DOCK4: variants seen among roughly 807,000 people sequenced by gnomAD.
DOCK4 encodes the protein dedicator of cytokinesis 4, also known as dedicator of cytokinesis protein 4.
DOCK4 carries 97 observed loss-of-function variants against 268.1 expected under a neutral mutation model. That is an observed-to-expected ratio of 0.36 (90% CI 0.31 to 0.43). The LOEUF (loss-of-function observed/expected upper bound fraction) is 0.43. Among genes scored for constraint, DOCK4 ranks in the 20% least tolerant of loss-of-function variants. DOCK4 has a pLI of 1.00. For synonymous variants in DOCK4, 954 were observed against 887.2 expected, an observed-to-expected ratio of 1.08 and a Z score of -1.34; for missense variants, 2,145 against 2,455.7, an observed-to-expected ratio of 0.87 and a Z score of 2.67.
intron 10 of DOCK4, among the ~76,000 whole-genome samples, chr7:111,942,868 C>A (rs757835492): frequency 1.3e-5 from 2 of 152,168 alleles, no homozygotes; most frequent in Admixed American, 6.5e-5. Context: ...GTGCTCTTAC[C>A]ATTGTTCCAC....
intron 1 of DOCK4, among the ~76,000 whole-genome samples, chr7:112,141,963 C>A (rs1291282352): frequency 1.3e-5 from 2 of 152,178 alleles, no homozygotes; most frequent in South Asian, 2.1e-4. Flanking sequence ...AACATCCCCC[C>A]ACTCATTGCA....
intron 30 of DOCK4, among the ~76,000 whole-genome samples, chr7:111,794,765 T>C (rs1799775813): frequency 1.3e-5 from 2 of 152,172 alleles, no homozygotes; most frequent in South Asian, 4.1e-4. Flanking sequence ...CCTGGGAAGT[T>C]AGGCAACTTG....
chr7:112,203,453 AC>A (rs1293075387), intron 1 of DOCK4, among the ~76,000 whole-genome samples: 1 of 152,232 alleles, frequency 6.6e-6, no homozygotes, highest in Non-Finnish European at 1.5e-5. Flanking sequence ...AACTAATTTT[AC>A]CCATGTTTAC....
At chr7:112,136,984 C>T (rs1814414741) in intron 1 of DOCK4, among the ~76,000 whole-genome samples, 1 of 151,972 alleles carries the variant, frequency 6.6e-6, no homozygotes. Context: ...AGGCAGAGTG[C>T]CTCCAATACT....
chr7:112,072,884 G>A (rs1021577112), intron 1 of DOCK4, among the ~76,000 whole-genome samples: 8 of 152,178 alleles, frequency 5.3e-5, no homozygotes, highest in Admixed American at 2.6e-4. Context: ...AGGGAAGAAT[G>A]CCTCAAGTGA....
intron 4 of DOCK4, among the ~76,000 whole-genome samples, chr7:111,994,847 C>T (rs947045430): frequency 1.4e-4 from 21 of 151,988 alleles, no homozygotes; most frequent in African/African-American, 4.1e-4. Context: ...ATGACATCAC[C>T]GATATTTGAA....
intron 1 of DOCK4, among the ~76,000 whole-genome samples, chr7:112,063,839 G>C (rs1360638831): frequency 1.3e-5 from 2 of 152,144 alleles, no homozygotes; most frequent in Non-Finnish European, 2.9e-5. Context: ...TGTAAAATGT[G>C]AGCACATCTT....
intron 1 of DOCK4, among the ~76,000 whole-genome samples, chr7:112,167,354 T>A (rs1454087823): frequency 1.3e-5 from 2 of 152,154 alleles, no homozygotes; most frequent in Non-Finnish European, 2.9e-5. Context: ...TGTAGCCGGA[T>A]GGCCTGAATT....
chr7:111,750,346 G>A (rs1431069416), intron 42 of DOCK4, among the ~76,000 whole-genome samples: 1 of 152,186 alleles, frequency 6.6e-6, no homozygotes, highest in South Asian at 2.1e-4. Context: ...AGGAAGAGAT[G>A]TTATCTACAG....
At chr7:112,071,651 G>C (rs769083) in intron 1 of DOCK4, among the ~76,000 whole-genome samples, 79,047 of 152,060 alleles carry the variant, frequency 0.52, 22,839 homozygotes, top group African/African-American at 0.79. Flanking sequence ...TCAATCTTCT[G>C]AAAGAAATAC....
intron 1 of DOCK4, among the ~76,000 whole-genome samples, chr7:112,168,723 G>C (rs907650050): frequency 6.6e-6 from 1 of 152,074 alleles, no homozygotes; most frequent in South Asian, 2.1e-4. Flanking sequence ...AAAAAACATA[G>C]AGTTAAGTAA....
intron 36 of DOCK4, among the ~76,000 whole-genome samples, chr7:111,771,684 T>C (rs995202205): frequency 1.2e-4 from 19 of 152,228 alleles, no homozygotes; most frequent in African/African-American, 4.6e-4. Context: ...TGTATCATTA[T>C]AATAAACGCT....
At chr7:112,113,257 T>C (rs941187111) in intron 1 of DOCK4, among the ~76,000 whole-genome samples, 2 of 152,078 alleles carry the variant, frequency 1.3e-5, no homozygotes, top group African/African-American at 4.8e-5. Context: ...AGAAAATTTG[T>C]AGTGTGTAGG....
intron 26 of DOCK4, among the ~76,000 whole-genome samples, chr7:111,823,277 G>C (rs1298878423): frequency 1.4e-5 from 2 of 146,974 alleles, no homozygotes; most frequent in Non-Finnish European, 3.0e-5. Context: ...CGTGATCTCG[G>C]CTCACTGCAA....
chr7:111,875,382 C>T (rs1806769651), intron 17 of DOCK4, among the ~76,000 whole-genome samples: 1 of 152,208 alleles, frequency 6.6e-6, no homozygotes, highest in African/African-American at 2.4e-5. Flanking sequence ...AACTCTACAA[C>T]TAGCACAAAT....
At chr7:112,189,671 A>C (rs1170350884) in intron 1 of DOCK4, among the ~76,000 whole-genome samples, 2 of 151,850 alleles carry the variant, frequency 1.3e-5, no homozygotes, top group African/African-American at 4.8e-5. Flanking sequence ...CTTCACTGAA[A>C]TTCAGCGGTT....
chr7:111,913,328 G>C (rs1169686503), intron 13 of DOCK4, among the ~76,000 whole-genome samples: 1 of 151,956 alleles, frequency 6.6e-6, no homozygotes, highest in East Asian at 1.9e-4. Flanking sequence ...CAAGCATTTT[G>C]GGAGGCCAAA....
At chr7:111,755,290 C>T (rs1406456249) in intron 42 of DOCK4, among the ~76,000 whole-genome samples, 1 of 152,078 alleles carries the variant, frequency 6.6e-6, no homozygotes, top group Non-Finnish European at 1.5e-5. Context: ...TTACATGTAG[C>T]AAATTGAGTT....
At chr7:111,763,026 C>T (rs1385179520) in intron 39 of DOCK4, among the ~76,000 whole-genome samples, 2 of 151,950 alleles carry the variant, frequency 1.3e-5, no homozygotes, top group East Asian at 1.9e-4. Context: ...CCTTGGCCTC[C>T]CAAAGTGCTG....
Sources: gnomAD v4.1 joint callset for allele counts (sites outside exome capture counted in the v4.1 genomes callset) on GRCh38, gnomAD v4.1.1 for gene constraint, MANE v1.5 for transcripts, NCBI Gene and HGNC (gene_info 2026-07-23, HGNC 2026-07-21) for gene names.